DPH6: variants seen among roughly 807,000 people sequenced by gnomAD.
DPH6 encodes diphthamine biosynthesis 6, also known as diphthine--ammonia ligase.
A neutral mutation model predicts 38.2 loss-of-function variants in DPH6; 33 were observed. That is an observed-to-expected ratio of 0.86 (90% confidence interval 0.65 to 1.15). DPH6 has a LOEUF of 1.15. Ranked by LOEUF, DPH6 falls within the 50% of genes most tolerant of loss-of-function variation. The pLI is 0.00. For synonymous variants in DPH6, 108 were observed against 103.0 expected (o/e 1.05, Z -0.30); for missense variants, 325 against 320.0 (o/e 1.02, Z -0.12).
the DPH6 span, among the ~76,000 whole-genome samples, chr15:35,150,556 G>A: frequency 4.6e-5 from 7 of 152,106 alleles, no homozygotes; most frequent in African/African-American, 7.2e-5. Flanking sequence ...ACAAATATAC[G>A]TCTGGAAGGC....
chr15:35,263,743 G>A (rs549604641), intron 3 of DPH6, among the ~76,000 whole-genome samples: 2 of 150,614 alleles, frequency 1.3e-5, no homozygotes, highest in Non-Finnish European at 3.0e-5. Flanking sequence ...ACAGAGTCTC[G>A]CTCTGTCACT....
intron 3 of DPH6, chr15:35,238,026 A>G: frequency 6.4e-7 from 1 of 1,552,552 alleles, no homozygotes; most frequent in Non-Finnish European, 8.9e-7. Flanking sequence ...CAGAAGCGAA[A>G]AGGAGAACCT....
intron 7 of DPH6, among the ~76,000 whole-genome samples, chr15:35,374,294 T>G (rs963483204): frequency 6.6e-6 from 1 of 152,142 alleles, no homozygotes; most frequent in East Asian, 1.9e-4. Context: ...AGAGTAATAA[T>G]GTTTTGAATT....
chr15:35,483,687 C>A (rs1269533040), intron 3 of DPH6, among the ~76,000 whole-genome samples: 1 of 152,158 alleles, frequency 6.6e-6, no homozygotes, highest in Non-Finnish European at 1.5e-5. Context: ...AACTTCATTT[C>A]TGATATCTAC....
At chr15:35,216,929 G>A (rs1430562465), downstream of DPH6, among the ~76,000 whole-genome samples, 1 of 152,176 alleles carries the variant, frequency 6.6e-6, no homozygotes, top group East Asian at 1.9e-4. Context: ...TATATTTGGG[G>A]AGGACAGAAT....
At chr15:35,302,476 A>G (rs1595468190) in intron 3 of DPH6, among the ~76,000 whole-genome samples, 1 of 152,350 alleles carries the variant, frequency 6.6e-6, no homozygotes, top group Middle Eastern at 3.4e-3. Context: ...AGTAATGTTA[A>G]TAGACTAGAA....
At chr15:35,305,934 T>G (rs1412881674) in intron 3 of DPH6, among the ~76,000 whole-genome samples, 9 of 152,230 alleles carry the variant, frequency 5.9e-5, no homozygotes, top group Non-Finnish European at 1.5e-5. Context: ...TTAACATCTG[T>G]GCACTTTGGA....
chr15:35,428,850 C>A (rs757319863), intron 5 of DPH6, among the ~76,000 whole-genome samples: 22 of 152,066 alleles, frequency 1.4e-4, no homozygotes, highest in East Asian at 1.9e-4. Flanking sequence ...TCTCTACTCA[C>A]CGAATTACAT....
downstream of DPH6, among the ~76,000 whole-genome samples, chr15:35,214,616 T>G (rs1283217110): frequency 6.6e-6 from 1 of 151,572 alleles, no homozygotes; most frequent in Non-Finnish European, 1.5e-5. Flanking sequence ...GGATAAAACT[T>G]TTTTTTTTGA....
At chr15:35,305,088 A>T (rs2052079161) in intron 3 of DPH6, among the ~76,000 whole-genome samples, 2 of 152,140 alleles carry the variant, frequency 1.3e-5, no homozygotes, top group Non-Finnish European at 2.9e-5. Flanking sequence ...TCATATACTC[A>T]TTAAAGGTAC....
chr15:35,197,560 CA>C, the DPH6 span, among the ~76,000 whole-genome samples: 3 of 152,176 alleles, frequency 2.0e-5, no homozygotes, highest in Non-Finnish European at 4.4e-5. Context: ...ACTAGAGCTT[CA>C]AAGGGTGGCA....
intron 3 of DPH6, among the ~76,000 whole-genome samples, chr15:35,455,815 C>T (rs2053989222): frequency 6.6e-6 from 1 of 152,110 alleles, no homozygotes; most frequent in East Asian, 1.9e-4. Flanking sequence ...AAAGAAACTA[C>T]TTCAGAGAGA....
At chr15:35,234,124 T>G (rs1225460029) in intron 3 of DPH6, among the ~76,000 whole-genome samples, 1 of 152,202 alleles carries the variant, frequency 6.6e-6, no homozygotes, top group Admixed American at 6.5e-5. Flanking sequence ...ATTTGTTGAG[T>G]GAATGCATGA....
At chr15:35,412,230 C>G (rs1195381906) in intron 5 of DPH6, among the ~76,000 whole-genome samples, 1 of 151,326 alleles carries the variant, frequency 6.6e-6, no homozygotes, top group Non-Finnish European at 1.5e-5. Context: ...TATATATAAG[C>G]ATATGAAAAG....
At chr15:35,533,191 T>C (rs1185010924) in intron 3 of DPH6, among the ~76,000 whole-genome samples, 1 of 152,008 alleles carries the variant, frequency 6.6e-6, no homozygotes, top group Non-Finnish European at 1.5e-5. Context: ...TTGTCCCCAC[T>C]GCCACAGTTC....
At chr15:35,263,878 A>AT (rs1466075867) in intron 3 of DPH6, among the ~76,000 whole-genome samples, 2 of 151,498 alleles carry the variant, frequency 1.3e-5, no homozygotes, top group African/African-American at 2.4e-5. Context: ...CGCCTGGCTA[A>AT]TTTTTTTTGT....
At chr15:35,453,608 T>C (rs1275683198) in intron 4 of DPH6, among the ~76,000 whole-genome samples, 1 of 152,126 alleles carries the variant, frequency 6.6e-6, no homozygotes. Flanking sequence ...AAAATACACA[T>C]GACCTCCTTC....
chr15:35,531,305 T>C (rs563221346), intron 3 of DPH6, among the ~76,000 whole-genome samples: 2 of 152,336 alleles, frequency 1.3e-5, no homozygotes, highest in African/African-American at 4.8e-5. Flanking sequence ...AAACTATTCT[T>C]GGTACAGTTA....
At chr15:35,217,060 TG>T (rs1342518131), downstream of DPH6, among the ~76,000 whole-genome samples, 2 of 152,208 alleles carry the variant, frequency 1.3e-5, no homozygotes, top group Non-Finnish European at 2.9e-5. Context: ...GAATCATCAG[TG>T]ATATTTGAAT....
Sources: gnomAD v4.1 joint callset for allele counts (sites outside exome capture counted in the v4.1 genomes callset) on GRCh38, gnomAD v4.1.1 for gene constraint, MANE v1.5 for transcripts, NCBI Gene and HGNC (gene_info 2026-07-23, HGNC 2026-07-21) for gene names.